The following ARHGEF2 variants were observed in gnomAD, a reference collection of about 807,000 sequenced individuals.
ARHGEF2 encodes the protein rho guanine nucleotide exchange factor 2.
In ARHGEF2, 22 loss-of-function variants were observed where a neutral mutation model predicts 121.0. That is an observed-to-expected ratio of 0.18 (90% CI 0.13 to 0.26). The LOEUF (loss-of-function observed/expected upper bound fraction) is 0.26, where lower values mean the gene tolerates loss of function less well. Ranked by LOEUF, ARHGEF2 falls within the 10% of genes least tolerant of loss-of-function variation. ARHGEF2 has a pLI of 1.00. For synonymous variants in ARHGEF2, 487 were observed against 530.0 expected, an observed-to-expected ratio of 0.92 and a Z score of 1.11; for missense variants, 907 against 1,336.0, an observed-to-expected ratio of 0.68 and a Z score of 5.01.
chr1:155,973,910 G>A (rs1680885548), intron 1 of ARHGEF2, among the ~76,000 whole-genome samples: 1 of 152,136 alleles, frequency 6.6e-6, no homozygotes, highest in Non-Finnish European at 1.5e-5. Flanking sequence ...TGGAGGGGAA[G>A]GCAATGCCAA....
In ARHGEF2 at chr1:155,965,395, G is replaced by A; in HGVS notation, c.488C>T (p.Ser163Phe). The A allele has an allele frequency of 6.2e-7, 1 of 1,614,112 alleles. No individual in the cohort carries two copies. The highest frequency in any genetic ancestry group is 8.5e-7 in the Non-Finnish European group (1 of 1,179,984). The change falls in exon 6 of 22, where the codon TCT becomes TTT. Residue 163 changes from serine to phenylalanine, a missense_variant. Physicochemically the swap from Ser to Phe is radical, Grantham distance 155. Transcript: ENST00000361247. This position sits in a 1 kb window ranked among gnomAD's most constrained non-coding sequence, Gnocchi z 6.0. ...GAGGATCCGGCGCAGCCCCAGGGGA[G>A]ACTCATCATTGAAATGTCTGAAGAA... ...TNIAGHFNDE[S>F]PLGLRRILSQ...
intron 13 of ARHGEF2, 141 bp downstream of exon 13, chr1:155,957,572 T>C (rs938365492): frequency 3.2e-6 from 3 of 949,924 alleles, no homozygotes; most frequent in Admixed American, 6.3e-5. Flanking sequence ...CTTTCCAGTC[T>C]TGGGCCATTT....
chr1:155,972,076 C>T (rs947919412), intron 1 of ARHGEF2, among the ~76,000 whole-genome samples: 1 of 152,134 alleles, frequency 6.6e-6, no homozygotes, highest in African/African-American at 2.4e-5. Context: ...CCACCCTCCC[C>T]CTGTGGCATC....
rs148865279 is a variant in ARHGEF2, at chr1:155,963,132, C to T, written c.776G>A (p.Arg259His). ...HHVRTLKIMT[R>H]LFRTGMLEEL... The stretch of plus-strand genomic sequence containing the variant: ...TTCCAGCATCCCCGTGCGGAAGAGG[C>T]GGGTCATGATCTTCAGTGTCCTCAC... The change falls in exon 8 of 22, where the codon CGC becomes CAC. Residue 259 changes from arginine (R) to histidine (H), a missense_variant. Transcript: ENST00000361247. 21 of 1,613,258 alleles carry T rather than the reference C, an allele frequency of 1.3e-5. No homozygotes were observed. Among genetic ancestry groups the T allele is most frequent in the Middle Eastern group, 1.6e-4 (1 of 6,084 alleles).
intron 2 of ARHGEF2, chr1:155,968,879 A>AG (rs1350741020): frequency 1.5e-5 from 6 of 412,446 alleles, no homozygotes; most frequent in Non-Finnish European, 2.7e-5. Flanking sequence ...TCGGGGAGCA[A>AG]GGGGGGTGCC....
At position 155,978,292 on chromosome 1, in the gene ARHGEF2, G is replaced by C. The variant is rs1210069845; in HGVS notation, c.63+73C>G. ...CCAGAAAGCAGGCGGGGAGACAGGA[G>C]ATGCACCGCGGGTGCCGGGGTTCGG... is the stretch of plus-strand genomic sequence containing the variant. On this transcript the variant is annotated intron_variant, in intron 1 of 21. Coordinates refer to ENST00000361247, the MANE Select transcript of ARHGEF2 (RefSeq NM_001162383.2). The surrounding 1 kb of genome is among the most constrained non-coding windows in gnomAD (Gnocchi z 4.1). The C allele has an allele frequency of 5.0e-6, 7 of 1,394,488 alleles. No homozygotes were observed. The highest frequency in any genetic ancestry group is 5.7e-6 in the Non-Finnish European group (6 of 1,050,166). 86.4% of individuals were successfully genotyped at this position (1,394,488 alleles called of 1,614,324 possible).
Position 155,948,628 on chromosome 1 carries a change from C to CA in ARHGEF2, c.2888-614dup, listed in dbSNP as rs796709806. On this transcript the variant is annotated intron_variant, in intron 21 of 21. Coordinates refer to ENST00000361247, the MANE Select transcript of ARHGEF2 (RefSeq NM_001162383.2). ...CCTGGGTGACAGAGCAAAACTGTCT[C>CA]AAAAAAAACAAAACAAAACAAAACA... 4.2e-4 allele frequency among the ~76,000 whole-genome samples: 63 copies of CA among 151,252 alleles called. 1 individual carries two copies. Among genetic ancestry groups the CA allele is most frequent in the African/African-American group, 4.1e-4 (17 of 41,174 alleles).
Position 155,965,493 on chromosome 1 carries a change from C to G in ARHGEF2, c.471-81G>C. The G allele has an allele frequency of 6.3e-7, 1 of 1,599,820 alleles. No homozygotes were observed. Among genetic ancestry groups the G allele is most frequent in the Non-Finnish European group, 8.6e-7 (1 of 1,167,906 alleles). ...CAGGTAGGGAACCAAAGCCAGGATC[C>G]AAGAGGCGGTCCCCCTAAGTTCTCC... On this transcript the variant is annotated intron_variant, in intron 5 of 21. Transcript: ENST00000361247. The surrounding 1 kb of genome is among the most constrained non-coding windows in gnomAD (Gnocchi z 6.0).
upstream of ARHGEF2, chr1:155,979,240 G>A (rs1572224834): frequency 4.1e-6 from 4 of 985,500 alleles, no homozygotes; most frequent in Non-Finnish European, 4.8e-6. Context: ...CAGCTACTTT[G>A]GGGGACTAGG....
rs889983308 is a variant in ARHGEF2, at chr1:155,950,643, G to A, written c.2704-161C>T. 7.9e-5 allele frequency among the ~76,000 whole-genome samples: 12 copies of A among 152,108 alleles called. No homozygotes were observed. The highest frequency in any genetic ancestry group is 2.7e-4 in the African/African-American group (11 of 41,418). ...CTGGCCTCTTTCAGCACCACGACCC[G>A]AGTTAATTTCCTCCACCCCTGCACC... On this transcript the variant is annotated intron_variant, in intron 20 of 21. Transcript: ENST00000361247. This position sits in a 1 kb window ranked among gnomAD's most constrained non-coding sequence, Gnocchi z 5.2.
At chr1:155,964,910 G>C in intron 7 of ARHGEF2, 78 bp downstream of exon 7, 1 of 1,215,706 alleles carries the variant, frequency 8.2e-7, no homozygotes, top group East Asian at 2.7e-5. Context: ...AAAAAAAAAA[G>C]AAAAAGAAAA....
At position 155,951,184 on chromosome 1, in the gene ARHGEF2, C is replaced by T. The variant is rs776739832; in HGVS notation, c.2348G>A (p.Arg783Gln). 24 of 1,607,494 alleles carry T rather than the reference C, an allele frequency of 1.5e-5. No homozygotes were observed. Among genetic ancestry groups the T allele is most frequent in the Admixed American group, 6.7e-5 (4 of 59,406 alleles). The change falls in exon 20 of 22, where the codon CGG becomes CAG. Residue 783 changes from arginine (R) to glutamine (Q), a missense_variant. Coordinates refer to ENST00000361247, the MANE Select transcript of ARHGEF2 (RefSeq NM_001162383.2). The surrounding 1 kb of genome is among the most constrained non-coding windows in gnomAD (Gnocchi z 5.1). The stretch of plus-strand genomic sequence containing the variant: ...CCCAGCCCTGCCAGCCTCCCCATCC[C>T]GAGAGTTGGCTCGGCACAGCTTCTC... ...RREKLCRANS[R>Q]DGEAGRAGAA...
At chr1:155,979,146 A>T (rs1303104640), upstream of ARHGEF2, 1 of 985,388 alleles carries the variant, frequency 1.0e-6, no homozygotes, top group African/African-American at 1.7e-5. Context: ...GTCGAAGAAC[A>T]GAGAGGAGAG....
At chr1:155,957,568 A>G in intron 13 of ARHGEF2, 145 bp downstream of exon 13, 1 of 892,364 alleles carries the variant, frequency 1.1e-6, no homozygotes, top group Non-Finnish European at 1.6e-6. Flanking sequence ...TGACCTTTCC[A>G]GTCTTGGGCC....
rs755622438 is a variant in ARHGEF2, at chr1:155,958,398, TG to T, written c.1469-3del. 4 of 1,613,212 alleles carry T rather than the reference TG, an allele frequency of 2.5e-6. No individual in the cohort carries two copies. The highest frequency in any genetic ancestry group is 3.4e-6 in the Non-Finnish European group (4 of 1,179,284). On this transcript the variant is annotated splice_polypyrimidine_tract_variant and splice_region_variant and intron_variant, in intron 11 of 21. Transcript: ENST00000361247. The stretch of plus-strand genomic sequence containing the variant: ...CTGTCATCAGCAGCACTAGCACATC[TG>T]GAAGGGGATGAAGGTGGGAGAACAG...
At chr1:155,976,237 G>C (rs937961824) in intron 1 of ARHGEF2, among the ~76,000 whole-genome samples, 5 of 151,938 alleles carry the variant, frequency 3.3e-5, no homozygotes, top group Non-Finnish European at 7.4e-5. Context: ...AGTATAAAAA[G>C]AAAGGAGACA....
rs560457146 is a variant in ARHGEF2, at chr1:155,952,635, G to A, written c.1977C>T (p.Ile659=). The A allele has an allele frequency of 6.2e-7, 1 of 1,611,552 alleles. No individual in the cohort carries two copies. Among genetic ancestry groups the A allele is most frequent in the Non-Finnish European group, 8.5e-7 (1 of 1,178,102 alleles). The change falls in exon 15 of 22, where the codon ATC becomes ATT. Residue 659 remains isoleucine, a synonymous_variant. Transcript: ENST00000361247. ...PRGERLLQDA[I]REVEGLKDLL... ...CCCTGGGAGCTCCCTCACCCTCACG[G>A]ATGGCATCCTGCAGCAGCCGCTCGC...
chr1:155,963,350 T>A (rs1324537088), intron 7 of ARHGEF2, among the ~76,000 whole-genome samples, 167 bp from the exon 8 acceptor site: 1 of 147,968 alleles, frequency 6.8e-6, no homozygotes, highest in Non-Finnish European at 1.5e-5. Context: ...TTATCTTTTT[T>A]TTTTTTTTTT....
At chr1:155,971,807 C>T (rs1358431462) in intron 1 of ARHGEF2, among the ~76,000 whole-genome samples, 2 of 151,150 alleles carry the variant, frequency 1.3e-5, no homozygotes, top group African/African-American at 2.4e-5. Context: ...CAGCACTTTG[C>T]GGGGCTGAGG....
Sources: allele counts gnomAD v4.1 joint callset (sites outside exome capture counted in the v4.1 genomes callset), GRCh38; gene constraint gnomAD v4.1.1; non-coding constraint Gnocchi (gnomAD v3.1); transcripts MANE v1.5; gene names NCBI Gene and HGNC (gene_info 2026-07-23, HGNC 2026-07-21).